The following C6orf62 variants were observed in gnomAD, a reference collection of about 807,000 sequenced individuals.
C6orf62 encodes the protein uncharacterized protein C6orf62.
A neutral mutation model predicts 26.8 loss-of-function variants in C6orf62; 16 were observed. The observed-to-expected ratio is 0.60, with a 90% CI of 0.40 to 0.91. The LOEUF is 0.91. C6orf62 is among the 40% of genes least tolerant of loss of function. The pLI is 0.00. For missense variants in C6orf62, 192 were observed against 271.4 expected (o/e 0.71, Z 2.06); for synonymous variants, 112 against 91.5 (o/e 1.22, Z -1.28).
chr6:24,714,589 A>G (rs1261539888), intron 2 of C6orf62, 149 bp from the exon 3 acceptor site: 1 of 544,858 alleles, frequency 1.8e-6, no homozygotes, highest in Non-Finnish European at 3.1e-6. Flanking sequence ...AGTAAACATA[A>G]TAGTTTATAA....
chr6:24,706,605 G>A (rs1222956992), intron 4 of C6orf62: 2 of 202,686 alleles, frequency 9.9e-6, no homozygotes, highest in Non-Finnish European at 2.0e-5. Context: ...CTAGTGAGAG[G>A]ATGAAGGAAT....
intron 3 of C6orf62, 108 bp from the exon 4 acceptor site, chr6:24,709,019 C>A: frequency 6.7e-7 from 1 of 1,500,618 alleles, no homozygotes; most frequent in Non-Finnish European, 8.9e-7. Flanking sequence ...AGTCCGTTAT[C>A]TTTTCCTCTT....
At chr6:24,720,044 T>G, upstream of C6orf62, 1 of 789,494 alleles carries the variant, frequency 1.3e-6, no homozygotes, top group Non-Finnish European at 1.8e-6. Context: ...AAAATTAAGT[T>G]CCCGGATTAG....
intron 3 of C6orf62, among the ~76,000 whole-genome samples, chr6:24,712,475 C>T (rs189887184): frequency 6.3e-4 from 96 of 152,128 alleles, no homozygotes; most frequent in African/African-American, 2.1e-3. Context: ...TCGAGACCAT[C>T]CCGGCCAACA....
At chr6:24,715,974 A>G (rs190365414) in intron 2 of C6orf62, among the ~76,000 whole-genome samples, 174 bp downstream of exon 2, 30 of 152,038 alleles carry the variant, frequency 2.0e-4, no homozygotes, top group African/African-American at 6.8e-4. Context: ...CTAATCCTAT[A>G]AACACAATGC....
In C6orf62 at chr6:24,704,940, A is replaced by C. The variant is rs1357492935; in HGVS notation, c.*1197T>G. ...CTTTTTCTTTTTTTCTTTTTTTTTC[A>C]AATTCCAACCAGAAGCTAAATACAA... is the stretch of plus-strand genomic sequence containing the variant. On this transcript the variant is annotated 3_prime_UTR_variant, in exon 5 of 5. Transcript: ENST00000378119. The C allele has an allele frequency of 6.6e-6, 1 of 150,888 alleles. No individual in the cohort carries two copies. Among genetic ancestry groups the C allele is most frequent in the African/African-American group, 2.4e-5 (1 of 40,996 alleles). 9.3% of individuals were successfully genotyped at this position (150,888 alleles called of 1,614,324 possible). A position where few individuals can be genotyped will look rare whatever the true frequency, so the allele number is the denominator to read the frequency against.
chr6:24,714,686 G>A (rs114400535), intron 2 of C6orf62, among the ~76,000 whole-genome samples: 245 of 152,184 alleles, frequency 1.6e-3, no homozygotes, highest in African/African-American at 5.5e-3. Context: ...TGCAATCTCC[G>A]CTTACTGCAA....
chr6:24,715,782 G>A (rs1295426043), intron 2 of C6orf62, among the ~76,000 whole-genome samples: 1 of 146,420 alleles, frequency 6.8e-6, no homozygotes, highest in Non-Finnish European at 1.5e-5. Flanking sequence ...CGCGAGGGCA[G>A]AGGTTGCAGT....
upstream of C6orf62, chr6:24,719,566 G>A (rs1256195729): frequency 1.6e-5 from 20 of 1,242,728 alleles, no homozygotes; most frequent in Middle Eastern, 3.1e-4. Flanking sequence ...ACGGCAGAAG[G>A]AAAAGGGGTA....
chr6:24,707,690 T>C (rs923504040), intron 4 of C6orf62, among the ~76,000 whole-genome samples: 3 of 152,024 alleles, frequency 2.0e-5, no homozygotes, highest in East Asian at 1.9e-4. Flanking sequence ...CTTTTAAATA[T>C]ATGTCCCTCA....
upstream of C6orf62, chr6:24,720,012 A>AGGGGGGGGCG: frequency 1.4e-6 from 2 of 1,463,292 alleles, no homozygotes; most frequent in Non-Finnish European, 1.8e-6. Flanking sequence ...TTCTAAAGTA[A>AGGGGGGGGCG]GCCCACCCAC....
At chr6:24,714,285 T>C (rs1779180439) in intron 3 of C6orf62, 33 bp downstream of exon 3, 2 of 1,560,938 alleles carry the variant, frequency 1.3e-6, no homozygotes, top group Non-Finnish European at 1.7e-6. Context: ...TTTTCACATA[T>C]TGAAATACTC....
rs1333419019 is a variant in C6orf62, at chr6:24,718,811, A to G, written c.-143T>C. On this transcript the variant is annotated 5_prime_UTR_variant, in exon 1 of 5. Transcript: ENST00000378119. The stretch of plus-strand genomic sequence containing the variant: ...TAGCGAAAATCACGACTATAACCCA[A>G]AAACTGCACCTTCTGTCAATATTAG... 1.3e-6 allele frequency: 2 copies of G among 1,517,790 alleles called. No homozygotes were observed. The highest frequency in any genetic ancestry group is 1.8e-6 in the Non-Finnish European group (2 of 1,142,302). 94.0% of individuals were successfully genotyped at this position (1,517,790 alleles called of 1,614,324 possible).
At chr6:24,716,096 C>T in intron 2 of C6orf62, 52 bp downstream of exon 2, 1 of 1,511,134 alleles carries the variant, frequency 6.6e-7, no homozygotes, top group Non-Finnish European at 9.1e-7. Flanking sequence ...CGGGGAAATG[C>T]AAGGTTAATC....
chr6:24,715,403 G>A (rs1409365733), intron 2 of C6orf62, among the ~76,000 whole-genome samples: 1 of 152,090 alleles, frequency 6.6e-6, no homozygotes, highest in Non-Finnish European at 1.5e-5. Flanking sequence ...AATAAACGGA[G>A]ACATAAGACA....
intron 3 of C6orf62, among the ~76,000 whole-genome samples, chr6:24,711,365 TAATG>T (rs1295856595): frequency 6.6e-6 from 1 of 152,140 alleles, no homozygotes; most frequent in Non-Finnish European, 1.5e-5. Flanking sequence ...GTAGCATTAA[TAATG>T]AAGAGAAAAG....
At chr6:24,713,988 T>C (rs1779175874) in intron 3 of C6orf62, among the ~76,000 whole-genome samples, 1 of 152,202 alleles carries the variant, frequency 6.6e-6, no homozygotes, top group African/African-American at 2.4e-5. Context: ...AAATATACGG[T>C]TTTAGAAGGA....
At chr6:24,720,032 A>AC, upstream of C6orf62, 1 of 361,592 alleles carries the variant, frequency 2.8e-6, no homozygotes, top group Non-Finnish European at 4.7e-6. Flanking sequence ...CCCTCCCCCC[A>AC]AAAAATTAAG....
At chr6:24,715,261 C>T (rs1343577113) in intron 2 of C6orf62, among the ~76,000 whole-genome samples, 1 of 152,154 alleles carries the variant, frequency 6.6e-6, no homozygotes, top group Non-Finnish European at 1.5e-5. Context: ...TGGTTATCTC[C>T]AGCATTCTCC....
Sources: allele counts gnomAD v4.1 joint callset (sites outside exome capture counted in the v4.1 genomes callset), GRCh38; gene constraint gnomAD v4.1.1; transcripts MANE v1.5; gene names NCBI Gene and HGNC (gene_info 2026-07-23, HGNC 2026-07-21).